ESRRG: variants seen among roughly 807,000 people sequenced by gnomAD.
The protein encoded by ESRRG is estrogen related receptor gamma, also known as estrogen-related receptor gamma.
Under a neutral mutation model 44.0 loss-of-function variants are expected in ESRRG, and 13 were observed. The observed-to-expected ratio is 0.30, with a 90% CI of 0.19 to 0.47. ESRRG has a LOEUF of 0.47. Ranked by LOEUF, ESRRG falls within the 20% of genes least tolerant of loss-of-function variation. ESRRG has a pLI of 1.00. For synonymous variants in ESRRG, 215 were observed against 214.6 expected, an observed-to-expected ratio of 1.00 and a Z score of -0.02; for missense variants, 395 against 580.6, an observed-to-expected ratio of 0.68 and a Z score of 3.29.
chr1:217,117,087 G>C (rs2092740053), intron 1 of ESRRG, among the ~76,000 whole-genome samples: 1 of 152,104 alleles, frequency 6.6e-6, no homozygotes, highest in Non-Finnish European at 1.5e-5. Context: ...AGAAAATATA[G>C]CATAGAGGTT....
chr1:217,099,592 A>T (rs918344840), intron 1 of ESRRG, among the ~76,000 whole-genome samples: 1 of 152,188 alleles, frequency 6.6e-6, no homozygotes, highest in African/African-American at 2.4e-5. Flanking sequence ...CCAGGCTGAG[A>T]TATAAAAATT....
At chr1:216,599,495 A>G (rs187719047) in intron 3 of ESRRG, among the ~76,000 whole-genome samples, 57 of 152,286 alleles carry the variant, frequency 3.7e-4, no homozygotes, top group Admixed American at 3.2e-3. Flanking sequence ...ATTTTTACCC[A>G]AGTGCTACAG....
At chr1:216,584,336 A>G (rs1308592799) in intron 3 of ESRRG, among the ~76,000 whole-genome samples, 1 of 150,748 alleles carries the variant, frequency 6.6e-6, no homozygotes, top group Admixed American at 6.6e-5. Flanking sequence ...GGCTCACTGC[A>G]GGCTCTGCCC....
chr1:216,530,308 A>G lies in ESRRG; in HGVS notation c.863-10887T>C, dbSNP rs534059138. On this transcript the variant is annotated intron_variant, in intron 5 of 6. Transcript: ENST00000408911. ...AATATAGATAGATATATTAAGGTCT[A>G]TCTATCTATCTATCTATCTATCTAT... Among the ~76,000 whole-genome samples the G allele has an allele frequency of 3.1e-4, 41 of 132,840 alleles. 1 individual carries two copies. In the South Asian group the frequency reaches 8.9e-3, roughly 29 times the overall value. 87.1% of individuals were successfully genotyped at this position (132,840 alleles called of 152,430 possible). A position where few individuals can be genotyped will look rare whatever the true frequency, so the allele number is the denominator to read the frequency against.
At chr1:216,584,531 C>G (rs2063406108) in intron 3 of ESRRG, among the ~76,000 whole-genome samples, 1 of 152,068 alleles carries the variant, frequency 6.6e-6, no homozygotes, top group African/African-American at 2.4e-5. Flanking sequence ...GCTGGGATTA[C>G]AGGCGTGAGT....
chr1:216,821,608 C>T (rs956430106), intron 2 of ESRRG, among the ~76,000 whole-genome samples: 1 of 150,394 alleles, frequency 6.6e-6, no homozygotes, highest in African/African-American at 2.4e-5. Flanking sequence ...CGGCTTGTGC[C>T]CAGGAGTTTG....
chr1:216,662,675 C>T (rs564647881), intron 2 of ESRRG, among the ~76,000 whole-genome samples: 4 of 152,072 alleles, frequency 2.6e-5, no homozygotes, highest in African/African-American at 9.7e-5. Context: ...GATGAAAATG[C>T]CTCCTCCACT....
chr1:216,735,527 G>A (rs2089710948), intron 2 of ESRRG, among the ~76,000 whole-genome samples: 1 of 152,110 alleles, frequency 6.6e-6, no homozygotes, highest in African/African-American at 2.4e-5. Flanking sequence ...CTTAAGACAA[G>A]GTTGTGCAGC....
intron 1 of ESRRG, among the ~76,000 whole-genome samples, chr1:216,685,248 TAA>T (rs11287817): frequency 2.6e-4 from 38 of 146,390 alleles, no homozygotes; most frequent in Admixed American, 6.1e-4. Flanking sequence ...TGAGATTTTA[TAA>T]AAAAAAAAAG....
intron 1 of ESRRG, among the ~76,000 whole-genome samples, chr1:217,017,552 T>C (rs1196805095): frequency 6.6e-6 from 1 of 150,996 alleles, no homozygotes; most frequent in Non-Finnish European, 1.5e-5. Flanking sequence ...TTTTGGATTA[T>C]CCTGTTTAAA....
intron 3 of ESRRG, among the ~76,000 whole-genome samples, chr1:216,589,981 A>T (rs1450407757): frequency 6.7e-6 from 1 of 149,728 alleles, no homozygotes; most frequent in Admixed American, 6.7e-5. Context: ...AAATTGAAAA[A>T]ATATATATAA....
At chr1:216,812,793 C>T (rs1384414677) in intron 2 of ESRRG, among the ~76,000 whole-genome samples, 2 of 152,184 alleles carry the variant, frequency 1.3e-5, no homozygotes, top group African/African-American at 4.8e-5. Flanking sequence ...AGTACATCCT[C>T]TTGAATAAAC....
intron 3 of ESRRG, among the ~76,000 whole-genome samples, chr1:216,577,168 GGAGAGA>G (rs142792725): frequency 6.7e-6 from 1 of 149,218 alleles, no homozygotes; most frequent in African/African-American, 2.5e-5. Context: ...GATGTCAGAG[GGAGAGA>G]GAGAGAGAGA....
At chr1:216,675,496 A>AT (rs2075947518) in intron 2 of ESRRG, among the ~76,000 whole-genome samples, 1 of 152,230 alleles carries the variant, frequency 6.6e-6, no homozygotes, top group Non-Finnish European at 1.5e-5. Flanking sequence ...TTTGAAAACT[A>AT]GTACGTCACA....
intron 3 of ESRRG, among the ~76,000 whole-genome samples, chr1:216,649,083 A>G (rs1264210099): frequency 6.6e-6 from 1 of 152,118 alleles, no homozygotes; most frequent in African/African-American, 2.4e-5. Flanking sequence ...TAACTGAAAG[A>G]AAAACTCTGT....
Position 217,043,725 on chromosome 1 carries a change from A to G in ESRRG, c.-106+45782T>C, listed in dbSNP as rs546553491. 1.4e-4 allele frequency among the ~76,000 whole-genome samples: 21 copies of G among 152,322 alleles called. No individual in the cohort carries two copies. In the East Asian group the frequency reaches 3.5e-3, roughly 25 times the overall value. ...ACAATTTGAGTCATATTACTAAAAA[A>G]AAGTGTTAATGTTCTTTATATAGAT... On this transcript the variant is annotated intron_variant, in intron 1 of 7. Coordinates refer to the ESRRG transcript ENST00000359162.
At chr1:216,534,384 A>G (rs1452427923) in intron 5 of ESRRG, among the ~76,000 whole-genome samples, 2 of 152,174 alleles carry the variant, frequency 1.3e-5, no homozygotes, top group Admixed American at 6.5e-5. Context: ...TGAAAGAGAA[A>G]GCTAGATATA....
intron 5 of ESRRG, among the ~76,000 whole-genome samples, chr1:216,551,257 T>C (rs2056253812): frequency 6.6e-6 from 1 of 152,184 alleles, no homozygotes; most frequent in Admixed American, 6.5e-5. Flanking sequence ...TAATATATAC[T>C]TTGTTTAGTG....
chr1:217,107,747 C>G (rs1422285928), intron 1 of ESRRG, among the ~76,000 whole-genome samples: 1 of 152,134 alleles, frequency 6.6e-6, no homozygotes, highest in Non-Finnish European at 1.5e-5. Context: ...GATTGGCCTC[C>G]ATACAATTAT....
Sources: allele counts gnomAD v4.1 joint callset (sites outside exome capture counted in the v4.1 genomes callset), GRCh38; gene constraint gnomAD v4.1.1; transcripts MANE v1.5; gene names NCBI Gene and HGNC (gene_info 2026-07-23, HGNC 2026-07-21).